The following ZNF500 variants were observed in gnomAD, a reference collection of about 807,000 sequenced individuals.
The protein encoded by ZNF500 is zinc finger protein with KRAB and SCAN domains 18.
ZNF500 carries 31 observed loss-of-function variants against 30.1 expected under a neutral mutation model. The observed-to-expected ratio is 1.03, with a 90% CI of 0.77 to 1.39. The LOEUF (loss-of-function observed/expected upper bound fraction) is 1.39. Among genes scored for constraint, ZNF500 ranks in the 40% most tolerant of loss-of-function variants. The pLI is 0.00. For missense variants in ZNF500, 817 were observed against 657.8 expected, an observed-to-expected ratio of 1.24 and a Z score of -2.65; for synonymous variants, 392 against 282.0, an observed-to-expected ratio of 1.39 and a Z score of -3.91.
At position 4,765,961 on chromosome 16, in the gene ZNF500, G is replaced by A. The variant is rs779074465; in HGVS notation, c.18C>T (p.Gly6=). The change falls in exon 2 of 6, where the codon GGC becomes GGT. Residue 6 remains glycine, a synonymous_variant. Transcript: ENST00000219478. MATVP[G]LQPLPTLEQD... is the part of the protein sequence containing the mutation. ...GCTCCAAGGTTGGCAGGGGCTGGAG[G>A]CCAGGGACAGTGGCCATTGCTTCCG... 10 of 1,572,854 alleles carry A rather than the reference G, an allele frequency of 6.4e-6. No homozygotes were observed. The highest frequency in any genetic ancestry group is 1.4e-5 in the African/African-American group (1 of 73,440).
chr16:4,752,346 GT>G lies in ZNF500; in HGVS notation c.*29del. On this transcript the variant is annotated 3_prime_UTR_variant, in exon 6 of 6. Coordinates refer to ENST00000219478, the MANE Select transcript of ZNF500 (RefSeq NM_021646.4). ...CTGAATTCTGTGCCCAGGGATGAGA[GT>G]CCTGGAAAGGGAGTTTCAGGCCTGG... 3 of 1,457,356 alleles carry G rather than the reference GT, an allele frequency of 2.1e-6. No individual in the cohort carries two copies. Among genetic ancestry groups the G allele is most frequent in the Non-Finnish European group, 2.7e-6 (3 of 1,109,058 alleles). The allele number at this position is 1,457,356 out of a possible 1,614,324, so 90.3% of individuals were successfully genotyped here.
chr16:4,746,455 C>A (rs746487461), downstream of ZNF500: 16 of 1,613,776 alleles, frequency 9.9e-6, no homozygotes, highest in Non-Finnish European at 6.8e-6. Flanking sequence ...GCAGAGTCCC[C>A]CACCATCTTT....
In ZNF500 at chr16:4,752,876, T is replaced by C. The variant is rs1208975074; in HGVS notation, c.943A>G (p.Arg315Gly). 1 of 1,614,104 alleles carries C rather than the reference T, an allele frequency of 6.2e-7. No individual in the cohort carries two copies. Among genetic ancestry groups the C allele is most frequent in the Admixed American group, 1.7e-5 (1 of 60,032 alleles). ...TTGTCAGCCCCATGGGAAGCCCGTC[T>C]TCCTGGTGGGGGGCCGCCTCTTGGC... ...DQPRGGPPPG[R>G]RASHGADKPY... Residue 315 changes from arginine to glycine, a missense_variant, in exon 6 of 6, where the codon AGA (arginine) becomes GGA (glycine). Coordinates refer to ENST00000219478, the MANE Select transcript of ZNF500 (RefSeq NM_021646.4).
chr16:4,746,249 G>C, downstream of ZNF500: 2 of 1,031,098 alleles, frequency 1.9e-6, no homozygotes, highest in Non-Finnish European at 2.8e-6. Context: ...TGTTTAATGT[G>C]CCCGTCTGTA....
At chr16:4,757,750 G>C (rs9921524) in intron 5 of ZNF500, among the ~76,000 whole-genome samples, 87,072 of 150,872 alleles carry the variant, frequency 0.58, 25,791 homozygotes, top group East Asian at 0.67. Context: ...CTACAGATGA[G>C]TACCACCACA....
chr16:4,752,753 G>C lies in ZNF500; in HGVS notation c.1066C>G (p.Leu356Val), dbSNP rs374700657. The change falls in exon 6 of 6, where the codon CTA becomes GTA. Residue 356 changes from leucine (L) to valine (V), a missense_variant. Transcript: ENST00000219478. ...THTGERPYKC[L>V]VCGKGFSDRS... The stretch of plus-strand genomic sequence containing the variant: ...TCGCTAAAGCCCTTCCCACAGACTA[G>C]GCACTTGTAAGGCCGCTCGCCCGTG... The C allele has an allele frequency of 9.9e-6, 16 of 1,614,116 alleles. No individual in the cohort carries two copies. Among genetic ancestry groups the C allele is most frequent in the African/African-American group, 4.0e-5 (3 of 74,946 alleles).
At chr16:4,753,570 G>A (rs2082107044) in intron 5 of ZNF500, among the ~76,000 whole-genome samples, 1 of 152,188 alleles carries the variant, frequency 6.6e-6, no homozygotes, top group Admixed American at 6.5e-5. Flanking sequence ...GGGAAACCGA[G>A]GCACACAAGT....
rs768771023 is a variant in ZNF500, at chr16:4,762,768, C to T, written c.415-12G>A. 1 of 1,578,710 alleles carries T rather than the reference C, an allele frequency of 6.3e-7. No homozygotes were observed. Among genetic ancestry groups the T allele is most frequent in the Non-Finnish European group, 8.6e-7 (1 of 1,158,752 alleles). ...AGCAGCTCTGAGCCCTGCACACAGA[C>T]AGTGATCTCCCCACCAGCTCCCAGA... On this transcript the variant is annotated splice_polypyrimidine_tract_variant and intron_variant, in intron 2 of 5. Coordinates refer to ENST00000219478, the MANE Select transcript of ZNF500 (RefSeq NM_021646.4).
At position 4,752,581 on chromosome 16, in the gene ZNF500, T is replaced by C. The variant is rs764611920; in HGVS notation, c.1238A>G (p.Gln413Arg). The change falls in exon 6 of 6, where the codon CAG (glutamine) becomes CGG (arginine). Residue 413 changes from glutamine to arginine, a missense_variant. Transcript: ENST00000219478. ...HSGERPYACT[Q>R]CGKRFNNSSH... ...GCTGTTGTTGAAGCGCTTCCCGCAC[T>C]GGGTGCAGGCATAGGGCCGCTCCCC... 4 of 1,585,660 alleles carry C rather than the reference T, an allele frequency of 2.5e-6. No individual in the cohort carries two copies. The highest frequency in any genetic ancestry group is 3.4e-6 in the Non-Finnish European group (4 of 1,167,102).
rs567503994 is a variant in ZNF500, at chr16:4,764,648, G to A, written c.414+917C>T. 5.9e-5 allele frequency among the ~76,000 whole-genome samples: 9 copies of A among 152,094 alleles called. No individual in the cohort carries two copies. In the East Asian group the frequency reaches 1.7e-3, roughly 29 times the overall value. On this transcript the variant is annotated intron_variant, in intron 2 of 5. Transcript: ENST00000219478. ...TACAAAAAAATTAGCCGGGCGTGGTGGTGGGCGCCTGTAGTCCCAGCTGCT... is the reference window on the plus strand; with the variant it reads ...TACAAAAAAATTAGCCGGGCGTGGTAGTGGGCGCCTGTAGTCCCAGCTGCT...
At chr16:4,758,368 C>G (rs2082160948) in intron 5 of ZNF500, 1 of 152,200 alleles carries the variant, frequency 6.6e-6, no homozygotes, top group Non-Finnish European at 1.5e-5. Flanking sequence ...TGGGCAGAAT[C>G]TCATTCCTTC....
downstream of ZNF500, chr16:4,746,801 G>A (rs2082022971): frequency 3.3e-6 from 3 of 908,178 alleles, no homozygotes; most frequent in Non-Finnish European, 4.9e-6. Flanking sequence ...ACGTCCACCG[G>A]CCTCCAGTGT....
In ZNF500 at chr16:4,751,606, C is replaced by T; in HGVS notation, c.*770G>A. On this transcript the variant is annotated 3_prime_UTR_variant, in exon 6 of 6. Transcript: ENST00000219478. ...GGCTGGGGTACAGCAGGGCTCCCTG[C>T]AGCAGACGAGGGGTCCCTCAAATTC... 1.3e-6 allele frequency: 2 copies of T among 1,535,312 alleles called. No homozygotes were observed. Among genetic ancestry groups the T allele is most frequent in the Non-Finnish European group, 1.7e-6 (2 of 1,146,732 alleles).
At position 4,750,223 on chromosome 16, in the gene ZNF500, A is replaced by C. The variant is rs2082064532; in HGVS notation, c.*2153T>G. ...CTGGGTACCTCATGCCCCATGAGAG[A>C]TCCCAGAGCTAGTCTAGAAGGTAAA... On this transcript the variant is annotated 3_prime_UTR_variant, in exon 6 of 6. Coordinates refer to ENST00000219478, the MANE Select transcript of ZNF500 (RefSeq NM_021646.4). 1 of 152,456 alleles carries C rather than the reference A, an allele frequency of 6.6e-6. No homozygotes were observed. The highest frequency in any genetic ancestry group is 2.1e-4 in the South Asian group (1 of 4,824). 9.4% of individuals were successfully genotyped at this position (152,456 alleles called of 1,614,324 possible).
intron 2 of ZNF500, chr16:4,764,129 G>C: frequency 2.0e-6 from 2 of 981,686 alleles, no homozygotes; most frequent in South Asian, 9.4e-5. Flanking sequence ...ATTTCGGTGT[G>C]TCAGAAGGGT....
At position 4,753,036 on chromosome 16, in the gene ZNF500, G is replaced by T; in HGVS notation, c.783C>A (p.Asp261Glu). 2 of 1,528,114 alleles carry T rather than the reference G, an allele frequency of 1.3e-6. No homozygotes were observed. The highest frequency in any genetic ancestry group is 1.8e-6 in the Non-Finnish European group (2 of 1,141,984). 94.7% of individuals were successfully genotyped at this position (1,528,114 alleles called of 1,614,324 possible). A position where few individuals can be genotyped will look rare whatever the true frequency, so the allele number is the denominator to read the frequency against. The change falls in exon 6 of 6, where the codon GAC becomes GAA. Residue 261 changes from aspartate to glutamate, a missense_variant. Physicochemically the swap from Asp to Glu is conservative, Grantham distance 45 (BLOSUM62 2). Transcript: ENST00000219478. ...ENEGPGIQLE[D>E]GGDGREDAPL... ...GGGCATCCTCCCTGCCATCACCGCC[G>T]TCCTCCAACTGGATCCCAGGTCCTG...
chr16:4,751,587 G>C lies in ZNF500; in HGVS notation c.*789C>G. The C allele has an allele frequency of 6.5e-7, 1 of 1,534,740 alleles. No individual in the cohort carries two copies. The highest frequency in any genetic ancestry group is 8.7e-7 in the Non-Finnish European group (1 of 1,146,574). On this transcript the variant is annotated 3_prime_UTR_variant, in exon 6 of 6. Transcript: ENST00000219478. Reference sequence around the variant, plus strand: ...GGAGACCACGTCCTGGGAAGGCTGGGGTACAGCAGGGCTCCCTGCAGCAGA... The same window carrying C: ...GGAGACCACGTCCTGGGAAGGCTGGCGTACAGCAGGGCTCCCTGCAGCAGA...
intron 5 of ZNF500, among the ~76,000 whole-genome samples, chr16:4,758,058 C>T (rs535383274): frequency 2.0e-4 from 31 of 151,674 alleles, no homozygotes; most frequent in African/African-American, 7.3e-4. Context: ...CCCGCCATCA[C>T]GCCTAATTTT....
rs575128734 is a variant in ZNF500 at position 4,754,313 on chromosome 16, A to G, written c.761-1255T>C. 5.3e-5 allele frequency among the ~76,000 whole-genome samples: 8 copies of G among 152,248 alleles called. 1 individual carries two copies. Among genetic ancestry groups the G allele is most frequent in the Non-Finnish European group, 1.2e-4 (8 of 68,006 alleles). ...CCTCCCATCTCCAGGACCAACTTCC[A>G]GATAGCCGAAGGTGGGTTTGGCACG... is the stretch of plus-strand genomic sequence containing the variant. On this transcript the variant is annotated intron_variant, in intron 5 of 5. Coordinates refer to ENST00000219478, the MANE Select transcript of ZNF500 (RefSeq NM_021646.4).
Sources: allele counts gnomAD v4.1 joint callset (sites outside exome capture counted in the v4.1 genomes callset), GRCh38; gene constraint gnomAD v4.1.1; transcripts MANE v1.5; gene names NCBI Gene and HGNC (gene_info 2026-07-23, HGNC 2026-07-21).